Variants in SEC63 observed in about 807,000 individuals in gnomAD.
SEC63 encodes the protein SEC63 protein translocation regulator.
SEC63 carries 56 observed loss-of-function variants against 116.2 expected under a neutral mutation model. The observed-to-expected ratio is 0.48, with a 90% CI of 0.39 to 0.60. The LOEUF (loss-of-function observed/expected upper bound fraction) is 0.60. Ranked by LOEUF, SEC63 falls within the 20% of genes least tolerant of loss-of-function variation. SEC63 has a pLI of 0.00. For synonymous variants in SEC63, 273 were observed against 294.6 expected, an observed-to-expected ratio of 0.93 and a Z score of 0.75; for missense variants, 668 against 900.0, an observed-to-expected ratio of 0.74 and a Z score of 3.30.
At chr6:107,941,818 A>G (rs1027654509) in intron 1 of SEC63, among the ~76,000 whole-genome samples, 13 of 152,210 alleles carry the variant, frequency 8.5e-5, no homozygotes, top group African/African-American at 2.7e-4. Context: ...AGTGTTGACG[A>G]TACCTGGTGC....
intron 14 of SEC63, among the ~76,000 whole-genome samples, chr6:107,896,957 G>T (rs1476249165): frequency 6.7e-6 from 1 of 150,282 alleles, no homozygotes; most frequent in Non-Finnish European, 1.5e-5. Flanking sequence ...TCCAGTCTGG[G>T]AAACAAGGGT....
intron 17 of SEC63, among the ~76,000 whole-genome samples, chr6:107,882,149 C>G (rs1786427381): frequency 6.6e-6 from 1 of 152,172 alleles, no homozygotes; most frequent in African/African-American, 2.4e-5. Context: ...TTCCCAAGGA[C>G]AAGTGTGTTA....
intron 5 of SEC63, among the ~76,000 whole-genome samples, chr6:107,913,148 A>AT (rs1211947286): frequency 2.0e-5 from 3 of 152,202 alleles, no homozygotes; most frequent in Non-Finnish European, 4.4e-5. Context: ...TGGAAATGAT[A>AT]GTGATTATTC....
chr6:107,934,545 C>A, intron 1 of SEC63, among the ~76,000 whole-genome samples: 1 of 139,528 alleles, frequency 7.2e-6, no homozygotes, highest in East Asian at 2.2e-4. Context: ...AAGTGAGGAG[C>A]CCCTACGCCT....
At position 107,906,465 on chromosome 6, in the gene SEC63, G is replaced by A. The variant is rs1388650427; in HGVS notation, c.944C>T (p.Pro315Leu). The A allele has an allele frequency of 6.2e-7, 1 of 1,614,136 alleles. No homozygotes were observed. The highest frequency in any genetic ancestry group is 1.3e-5 in the African/African-American group (1 of 75,036). Residue 315 changes from proline to leucine, a missense_variant, in exon 10 of 21, where the codon CCT becomes CTT. Physicochemically the swap from Pro to Leu is moderately conservative, Grantham distance 98 (BLOSUM62 -3). Transcript: ENST00000369002. ...ACAAATACCTTCTTCAAGGGTCTCA[G>A]GAATTTTCATTCTAGCAAGATGAGA... Reference protein sequence around the residue: ...LLSHLARMKIPETLEEDQQFM... With the variant: ...LLSHLARMKILETLEEDQQFM...
intron 12 of SEC63, among the ~76,000 whole-genome samples, chr6:107,902,215 G>C (rs1458321037): frequency 6.6e-6 from 1 of 151,994 alleles, no homozygotes; most frequent in Admixed American, 6.5e-5. Flanking sequence ...TACTTAAAAG[G>C]ACAGAGAACT....
chr6:107,921,319 T>A (rs894480149), intron 4 of SEC63, among the ~76,000 whole-genome samples: 2 of 152,248 alleles, frequency 1.3e-5, no homozygotes, highest in East Asian at 3.9e-4. Flanking sequence ...ATGGCAAAAA[T>A]TACAGTTTAA....
In SEC63 at chr6:107,869,545, TTTG is replaced by T. The variant is rs1422993179; in HGVS notation, c.*2156_*2158del. The T allele has an allele frequency of 8.5e-5, 13 of 152,336 alleles. No individual in the cohort carries two copies. Among genetic ancestry groups the T allele is most frequent in the African/African-American group, 3.1e-4 (13 of 41,586 alleles). The allele number at this position is 152,336 out of a possible 1,614,324, so 9.4% of individuals were successfully genotyped here. On this transcript the variant is annotated 3_prime_UTR_variant, in exon 21 of 21. Transcript: ENST00000369002. ...TTAGATTAAATGCAAACTAGGATAG[TTTG>T]TTATTCTCATTCCAGAGGAAAAACG...
intron 16 of SEC63, among the ~76,000 whole-genome samples, chr6:107,887,052 G>A (rs1174637838): frequency 6.6e-6 from 1 of 152,018 alleles, no homozygotes; most frequent in East Asian, 1.9e-4. Flanking sequence ...GTTAATTTTT[G>A]TATAAGGTGT....
intron 16 of SEC63, among the ~76,000 whole-genome samples, chr6:107,889,020 A>G (rs984865997): frequency 2.6e-5 from 4 of 152,196 alleles, no homozygotes; most frequent in Non-Finnish European, 4.4e-5. Flanking sequence ...TTTTGCATCA[A>G]TGTTCATCAG....
intron 16 of SEC63, among the ~76,000 whole-genome samples, chr6:107,892,143 T>G (rs1786697556): frequency 6.6e-6 from 1 of 152,164 alleles, no homozygotes; most frequent in Admixed American, 6.6e-5. Context: ...GCTGAAGCTG[T>G]GCCCACAACT....
At chr6:107,954,375 T>A (rs1583784575) in intron 1 of SEC63, among the ~76,000 whole-genome samples, 1 of 150,576 alleles carries the variant, frequency 6.6e-6, no homozygotes, top group East Asian at 1.9e-4. Context: ...AGACCTCTGT[T>A]CACTTGTTTA....
chr6:107,914,680 A>G (rs1020998817), intron 4 of SEC63, among the ~76,000 whole-genome samples: 1 of 152,150 alleles, frequency 6.6e-6, no homozygotes, highest in Non-Finnish European at 1.5e-5. Flanking sequence ...AAATTGAGGG[A>G]TGTTTCTCAA....
intron 19 of SEC63, among the ~76,000 whole-genome samples, chr6:107,874,466 G>C (rs1786209314): frequency 6.6e-6 from 1 of 151,514 alleles, no homozygotes; most frequent in Admixed American, 6.6e-5. Context: ...TGCAGTGGCG[G>C]GCGTCTGTAA....
At chr6:107,905,488 G>GT (rs1468200166) in intron 10 of SEC63, among the ~76,000 whole-genome samples, 1 of 152,208 alleles carries the variant, frequency 6.6e-6, no homozygotes, top group East Asian at 1.9e-4. Context: ...CCTAGAGGTA[G>GT]TAACTGTCTT....
rs1786083853 is a variant in SEC63 at position 107,869,691 on chromosome 6, T to G, written c.*2013A>C. On this transcript the variant is annotated 3_prime_UTR_variant, in exon 21 of 21. Coordinates refer to ENST00000369002, the MANE Select transcript of SEC63 (RefSeq NM_007214.5). Reference sequence around the variant, plus strand: ...CTAAAGCACTCACTAGAGGAAATTTTATTTTACTTAGTTGGGAAGTACATA... The same window carrying G: ...CTAAAGCACTCACTAGAGGAAATTTGATTTTACTTAGTTGGGAAGTACATA... 6.6e-6 allele frequency: 1 copy of G among 152,036 alleles called. No homozygotes were observed. Among genetic ancestry groups the G allele is most frequent in the African/African-American group, 2.4e-5 (1 of 41,396 alleles). The allele number at this position is 152,036 out of a possible 1,614,324, so 9.4% of individuals were successfully genotyped here.
At chr6:107,901,255 A>C in intron 13 of SEC63, 115 bp downstream of exon 13, 1 of 1,043,230 alleles carries the variant, frequency 9.6e-7, no homozygotes, top group East Asian at 2.4e-5. Flanking sequence ...AGTTCTGCAA[A>C]GTCTAATAAC....
At chr6:107,873,975 T>C (rs1786193651) in intron 19 of SEC63, among the ~76,000 whole-genome samples, 1 of 152,030 alleles carries the variant, frequency 6.6e-6, no homozygotes, top group Non-Finnish European at 1.5e-5. Context: ...TCAACATATG[T>C]TTAAAACGAT....
intron 1 of SEC63, among the ~76,000 whole-genome samples, chr6:107,946,475 G>T (rs558563901): frequency 6.6e-6 from 1 of 152,078 alleles, no homozygotes; most frequent in South Asian, 2.1e-4. Flanking sequence ...AAAGTGCTGG[G>T]ATTACAGGTG....
Sources: gnomAD v4.1 joint callset for allele counts (sites outside exome capture counted in the v4.1 genomes callset) on GRCh38, gnomAD v4.1.1 for gene constraint, MANE v1.5 for transcripts, NCBI Gene and HGNC (gene_info 2026-07-23, HGNC 2026-07-21) for gene names.